Variants in TRPM3 observed in about 807,000 individuals in gnomAD.
The protein encoded by TRPM3 is long transient receptor potential channel 3.
A neutral mutation model predicts 181.2 loss-of-function variants in TRPM3; 77 were observed. That is an observed-to-expected ratio of 0.42 (90% confidence interval 0.35 to 0.51). The LOEUF (loss-of-function observed/expected upper bound fraction) is 0.51. Among genes scored for constraint, TRPM3 ranks in the 20% least tolerant of loss-of-function variants. The probability of loss-of-function intolerance (pLI) is 0.01; values close to 1 mark genes in which losing one functional copy is unlikely to be tolerated. For missense variants in TRPM3, 1,759 were observed against 2,196.7 expected (o/e 0.80, Z 3.98); for synonymous variants, 745 against 796.4 (o/e 0.94, Z 1.09).
At chr9:70,688,317 A>G (rs553677298) in intron 8 of TRPM3, among the ~76,000 whole-genome samples, 2 of 152,272 alleles carry the variant, frequency 1.3e-5, no homozygotes, top group Admixed American at 6.5e-5. Context: ...TTTTATTTCA[A>G]TAGTTTTTGG....
At chr9:71,253,790 T>C (rs2082500032) in intron 1 of TRPM3, among the ~76,000 whole-genome samples, 1 of 152,154 alleles carries the variant, frequency 6.6e-6, no homozygotes, top group Admixed American at 6.6e-5. Context: ...AGCCAGTATA[T>C]GGAATCTGCC....
At chr9:71,224,334 T>G (rs886286768) in intron 1 of TRPM3, among the ~76,000 whole-genome samples, 6 of 152,250 alleles carry the variant, frequency 3.9e-5, no homozygotes, top group African/African-American at 1.2e-4. Flanking sequence ...ACAGCATTAC[T>G]GGGTTTGGGG....
intron 1 of TRPM3, among the ~76,000 whole-genome samples, chr9:70,872,177 T>A (rs963218360): frequency 6.6e-6 from 1 of 151,968 alleles, no homozygotes; most frequent in Non-Finnish European, 1.5e-5. Flanking sequence ...AATATTCAAC[T>A]CTTGTTGTAG....
chr9:70,832,607 T>C (rs1335406277), intron 5 of TRPM3, among the ~76,000 whole-genome samples: 2 of 152,174 alleles, frequency 1.3e-5, no homozygotes, highest in African/African-American at 4.8e-5. Flanking sequence ...GGCATTAGTA[T>C]GGACATCATC....
At chr9:71,121,122 G>A (rs2073564831) in intron 1 of TRPM3, 56 bp downstream of exon 1, 1 of 1,555,980 alleles carries the variant, frequency 6.4e-7, no homozygotes, top group Admixed American at 1.8e-5. Context: ...CCCCAAGTTG[G>A]GTATTTAAAT....
chr9:70,812,936 A>T (rs1289500764), intron 6 of TRPM3, among the ~76,000 whole-genome samples: 1 of 152,214 alleles, frequency 6.6e-6, no homozygotes, highest in Non-Finnish European at 1.5e-5. Context: ...TTCAGGACAC[A>T]ATAGAAAAAA....
rs1164530089 is a variant in TRPM3, at chr9:70,530,771, C to G, written c.*5182G>C. 2 of 152,188 alleles carry G rather than the reference C, an allele frequency of 1.3e-5. No homozygotes were observed. The highest frequency in any genetic ancestry group is 4.8e-5 in the African/African-American group (2 of 41,444). 9.4% of individuals were successfully genotyped at this position (152,188 alleles called of 1,614,324 possible). ...TTTTGGTTGACTCCAATCTGAGAGA[C>G]AGAATATCCAACTTGTAAAAAGAAG... On this transcript the variant is annotated 3_prime_UTR_variant, in exon 26 of 26. Coordinates refer to ENST00000677713, the MANE Select transcript of TRPM3 (RefSeq NM_001366145.2).
At chr9:71,436,329 A>C (rs1199177863) in intron 1 of TRPM3, among the ~76,000 whole-genome samples, 2 of 100,994 alleles carry the variant, frequency 2.0e-5, no homozygotes, top group African/African-American at 8.2e-5. Flanking sequence ...TTGAGATGGC[A>C]TCTTGCTTTG....
chr9:70,672,941 A>G (rs2063262454), intron 9 of TRPM3, among the ~76,000 whole-genome samples: 1 of 152,120 alleles, frequency 6.6e-6, no homozygotes, highest in South Asian at 2.1e-4. Context: ...TAATTAGTCG[A>G]GATCCCCCAG....
At chr9:70,988,821 A>G (rs181855717) in intron 1 of TRPM3, among the ~76,000 whole-genome samples, 2 of 152,344 alleles carry the variant, frequency 1.3e-5, no homozygotes, top group Admixed American at 6.5e-5. Context: ...CCTGGGCACT[A>G]CATGGGAAGG....
intron 1 of TRPM3, among the ~76,000 whole-genome samples, chr9:71,168,616 T>C (rs2076673507): frequency 8.1e-6 from 1 of 122,922 alleles, no homozygotes; most frequent in Admixed American, 9.1e-5. Flanking sequence ...TTTATTTTTT[T>C]ATTATTATTT....
chr9:71,441,685 T>G (rs1269019606), intron 1 of TRPM3, among the ~76,000 whole-genome samples: 1 of 146,714 alleles, frequency 6.8e-6, no homozygotes. Context: ...CAAACTGGAG[T>G]GCAAAGGCAT....
At chr9:71,311,477 T>G (rs976035385) in intron 1 of TRPM3, among the ~76,000 whole-genome samples, 11 of 152,168 alleles carry the variant, frequency 7.2e-5, no homozygotes, top group Non-Finnish European at 1.5e-4. Context: ...AGTCAGCTGA[T>G]CTTTGGCTAA....
chr9:70,756,705 T>C (rs141133391), intron 8 of TRPM3, among the ~76,000 whole-genome samples: 13 of 152,252 alleles, frequency 8.5e-5, no homozygotes, highest in Admixed American at 2.6e-4. Flanking sequence ...TACAACTACA[T>C]GGAAACTGAA....
chr9:71,179,335 T>C (rs909152116), intron 1 of TRPM3, among the ~76,000 whole-genome samples: 4 of 152,062 alleles, frequency 2.6e-5, no homozygotes, highest in Non-Finnish European at 5.9e-5. Context: ...CCACTCACGA[T>C]TGTAAAAGTG....
At chr9:70,811,241 C>T in intron 6 of TRPM3, 2 of 1,607,276 alleles carry the variant, frequency 1.2e-6, no homozygotes, top group Non-Finnish European at 1.7e-6. Context: ...AAACGGCAGG[C>T]ATCCTGTCAA....
intron 21 of TRPM3, among the ~76,000 whole-genome samples, chr9:70,595,851 T>C (rs2058925171): frequency 6.6e-6 from 1 of 152,160 alleles, no homozygotes; most frequent in South Asian, 2.1e-4. Context: ...TTTTTCCTAG[T>C]CAAAAAATCC....
intron 9 of TRPM3, among the ~76,000 whole-genome samples, chr9:70,674,695 G>T (rs973042228): frequency 2.0e-5 from 3 of 149,908 alleles, no homozygotes; most frequent in African/African-American, 7.3e-5. Context: ...AAGTAGCTGG[G>T]ACTACATGCA....
chr9:71,430,166 TG>T (rs1588995433), intron 1 of TRPM3, among the ~76,000 whole-genome samples: 2 of 152,210 alleles, frequency 1.3e-5, no homozygotes, highest in East Asian at 3.8e-4. Context: ...CCAGGAGGGC[TG>T]GAACTTGATA....
Sources: allele counts gnomAD v4.1 joint callset (sites outside exome capture counted in the v4.1 genomes callset), GRCh38; gene constraint gnomAD v4.1.1; transcripts MANE v1.5; gene names NCBI Gene and HGNC (gene_info 2026-07-23, HGNC 2026-07-21).